Variants in RBPJ observed in about 807,000 individuals in gnomAD.
The protein encoded by RBPJ is recombining binding protein suppressor of hairless.
RBPJ carries 9 observed loss-of-function variants against 67.8 expected under a neutral mutation model. The ratio of observed to expected loss-of-function variants is 0.13; its 90% CI spans 0.08 to 0.23. RBPJ has a LOEUF of 0.23. RBPJ is among the 10% of genes least tolerant of loss of function. The probability of loss-of-function intolerance (pLI) is 1.00; values close to 1 mark genes in which losing one functional copy is unlikely to be tolerated. For synonymous variants in RBPJ, 198 were observed against 203.3 expected (o/e 0.97, Z 0.22); for missense variants, 305 against 595.6 (o/e 0.51, Z 5.08).
chr4:26,290,472 G>A (rs769219439), intron 1 of RBPJ, among the ~76,000 whole-genome samples: 1 of 150,446 alleles, frequency 6.6e-6, no homozygotes, highest in Admixed American at 6.6e-5. Context: ...GCCTGGGTGT[G>A]AGAAGCAAAG....
intron 2 of RBPJ, among the ~76,000 whole-genome samples, chr4:26,386,791 G>A (rs1200254548): frequency 2.0e-5 from 3 of 151,980 alleles, no homozygotes; most frequent in Non-Finnish European, 2.9e-5. Context: ...GAAAACACAC[G>A]TTTTATCTAT....
At chr4:26,349,983 C>T (rs886776912) in intron 1 of RBPJ, among the ~76,000 whole-genome samples, 1 of 152,186 alleles carries the variant, frequency 6.6e-6, no homozygotes, top group African/African-American at 2.4e-5. Context: ...ACTGTTATTT[C>T]ATAAAATGCT....
upstream of RBPJ, among the ~76,000 whole-genome samples, chr4:26,162,130 G>A (rs1013862572): frequency 7.9e-5 from 12 of 152,224 alleles, no homozygotes; most frequent in Non-Finnish European, 1.8e-4. Flanking sequence ...TGTGATGCAT[G>A]CCCTGATTCA....
chr4:26,277,981 G>A (rs1020669917), intron 1 of RBPJ, among the ~76,000 whole-genome samples: 1 of 152,102 alleles, frequency 6.6e-6, no homozygotes, highest in Non-Finnish European at 1.5e-5. Flanking sequence ...GTGTGTGTTT[G>A]TGTGTGTGTC....
intron 3 of RBPJ, 29 bp from the exon 4 acceptor site, chr4:26,415,446 G>GTT (rs377413423): frequency 1.8e-3 from 2,113 of 1,206,118 alleles, no homozygotes; most frequent in Non-Finnish European, 2.1e-3. Flanking sequence ...TTTGCTTCTT[G>GTT]TTTTTTTTTT....
the RBPJ span, among the ~76,000 whole-genome samples, chr4:26,137,420 C>G: frequency 6.6e-6 from 1 of 151,728 alleles, no homozygotes; most frequent in South Asian, 2.1e-4. Flanking sequence ...TGGCTCTAAA[C>G]AAATCCATCA....
At chr4:26,320,826 A>G (rs1282602884), upstream of RBPJ, 3 of 1,560,616 alleles carry the variant, frequency 1.9e-6, no homozygotes, top group East Asian at 4.7e-5. Flanking sequence ...GTAGGTTTCC[A>G]GGGAAGGCAG....
intron 1 of RBPJ, among the ~76,000 whole-genome samples, chr4:26,227,922 G>T (rs1007633043): frequency 1.3e-5 from 2 of 152,198 alleles, no homozygotes; most frequent in Admixed American, 6.5e-5. Flanking sequence ...TGTGCTTTCT[G>T]AACTGCTGCC....
At chr4:26,364,695 C>T (rs1050744056) in intron 1 of RBPJ, among the ~76,000 whole-genome samples, 4 of 141,572 alleles carry the variant, frequency 2.8e-5, no homozygotes, top group Non-Finnish European at 6.1e-5. Flanking sequence ...TGTGTGATCT[C>T]GGCTCACTGC....
At chr4:26,327,644 TAA>T (rs1022558981) in intron 1 of RBPJ, among the ~76,000 whole-genome samples, 14 of 148,810 alleles carry the variant, frequency 9.4e-5, no homozygotes, top group African/African-American at 3.2e-4. Flanking sequence ...TTGTAAGTGA[TAA>T]GAGTAGTTTC....
chr4:26,160,918 C>T (rs112844608), upstream of RBPJ, among the ~76,000 whole-genome samples: 472 of 152,308 alleles, frequency 3.1e-3, 3 homozygotes, highest in African/African-American at 0.01. Flanking sequence ...TTCTCTTGCC[C>T]GGTCTCCCAC....
At chr4:26,398,296 A>G (rs1401159260) in intron 2 of RBPJ, among the ~76,000 whole-genome samples, 1 of 152,078 alleles carries the variant, frequency 6.6e-6, no homozygotes, top group African/African-American at 2.4e-5. Context: ...CACTCCCTCC[A>G]CTTACCCCTT....
At chr4:26,320,671 C>G (rs773860278), upstream of RBPJ, 32 of 1,469,314 alleles carry the variant, frequency 2.2e-5, no homozygotes, top group Non-Finnish European at 2.7e-5. Context: ...TTCCTCGTCC[C>G]CGTAGTAATC....
chr4:26,270,440 G>GAAAGA (rs1560238033), intron 1 of RBPJ, among the ~76,000 whole-genome samples: 2 of 95,460 alleles, frequency 2.1e-5, no homozygotes, highest in African/African-American at 8.8e-5. Context: ...AAAGAAAGAA[G>GAAAGA]AAAGAAAGAA....
intron 1 of RBPJ, among the ~76,000 whole-genome samples, chr4:26,287,167 T>TATTG (rs1480337680): frequency 2.6e-5 from 4 of 151,768 alleles, no homozygotes; most frequent in African/African-American, 9.7e-5. Context: ...AAAAAGAGAG[T>TATTG]ATTGATTTTA....
chr4:26,408,796 T>A (rs910429424), intron 3 of RBPJ, among the ~76,000 whole-genome samples: 2 of 152,218 alleles, frequency 1.3e-5, no homozygotes, highest in Non-Finnish European at 2.9e-5. Context: ...AGGGCCTAAT[T>A]TTAAATATTT....
the RBPJ span, among the ~76,000 whole-genome samples, chr4:26,107,589 A>C: frequency 1.3e-5 from 2 of 152,226 alleles, no homozygotes; most frequent in African/African-American, 4.8e-5. Flanking sequence ...CCCTTGGCCA[A>C]CGTGGCCCTC....
chr4:26,117,257 A>G, the RBPJ span, among the ~76,000 whole-genome samples: 2 of 152,022 alleles, frequency 1.3e-5, no homozygotes, highest in Non-Finnish European at 2.9e-5. Flanking sequence ...CCCTCTGGGC[A>G]TCTCCCATGA....
At chr4:26,276,533 A>C (rs147517484) in intron 1 of RBPJ, among the ~76,000 whole-genome samples, 1 of 152,168 alleles carries the variant, frequency 6.6e-6, no homozygotes, top group African/African-American at 2.4e-5. Context: ...ATTGAAATGC[A>C]ATCTATGGAA....
Sources: allele counts gnomAD v4.1 joint callset (sites outside exome capture counted in the v4.1 genomes callset), GRCh38; gene constraint gnomAD v4.1.1; transcripts MANE v1.5; gene names NCBI Gene and HGNC (gene_info 2026-07-23, HGNC 2026-07-21).